GSTA4: variants seen among roughly 807,000 people sequenced by gnomAD.
The protein encoded by GSTA4 is glutathione S-transferase A4.
In GSTA4, 15 loss-of-function variants were observed where a neutral mutation model predicts 24.4. The ratio of observed to expected loss-of-function variants is 0.61; its 90% CI spans 0.41 to 0.95. The LOEUF (loss-of-function observed/expected upper bound fraction) is 0.95. Ranked by LOEUF, GSTA4 falls within the 40% of genes least tolerant of loss-of-function variation. The pLI is 0.00. For synonymous variants in GSTA4, 92 were observed against 94.2 expected, an observed-to-expected ratio of 0.98 and a Z score of 0.13; for missense variants, 244 against 262.1, an observed-to-expected ratio of 0.93 and a Z score of 0.48.
In GSTA4 at chr6:52,978,375, G is replaced by T. The variant is rs1292558151; in HGVS notation, c.*95C>A. 1.6e-6 allele frequency: 2 copies of T among 1,266,506 alleles called. No individual in the cohort carries two copies. Among genetic ancestry groups the T allele is most frequent in the Admixed American group, 2.2e-5 (1 of 45,692 alleles). The allele number at this position is 1,266,506 out of a possible 1,614,324, so 78.5% of individuals were successfully genotyped here. Reference sequence around the variant, plus strand: ...AACTTAGGACCCAACTTAATACATAGATAGCACCATGACAGAGCTGGGATC... The same window carrying T: ...AACTTAGGACCCAACTTAATACATATATAGCACCATGACAGAGCTGGGATC... On this transcript the variant is annotated 3_prime_UTR_variant, in exon 7 of 7. Coordinates refer to ENST00000370963, the MANE Select transcript of GSTA4 (RefSeq NM_001512.4).
At chr6:52,992,900 A>G (rs1763691103) in intron 2 of GSTA4, among the ~76,000 whole-genome samples, 2 of 152,190 alleles carry the variant, frequency 1.3e-5, no homozygotes, top group South Asian at 4.1e-4. Flanking sequence ...CTGGAGCTCA[A>G]GATCAGCCTG....
Position 52,978,455 on chromosome 6 carries a change from C to A in GSTA4, c.*15G>T, listed in dbSNP as rs767534850. The A allele has an allele frequency of 6.2e-7, 1 of 1,612,600 alleles. No individual in the cohort carries two copies. The highest frequency in any genetic ancestry group is 1.7e-5 in the Admixed American group (1 of 59,898). ...CTCTAGGAACACACTGTCACTCACA[C>A]ATGGATGTGTTGTTTTATGGCCTAA... is the stretch of plus-strand genomic sequence containing the variant. On this transcript the variant is annotated 3_prime_UTR_variant, in exon 7 of 7. Coordinates refer to ENST00000370963, the MANE Select transcript of GSTA4 (RefSeq NM_001512.4).
intron 6 of GSTA4, among the ~76,000 whole-genome samples, chr6:52,980,618 A>G (rs941608956): frequency 1.3e-5 from 2 of 152,100 alleles, no homozygotes; most frequent in East Asian, 1.9e-4. Context: ...TTTCACCTTT[A>G]ATAAGCTTAG....
Position 52,987,380 on chromosome 6 carries a change from T to C in GSTA4, c.116A>G (p.Glu39Gly). The C allele has an allele frequency of 6.3e-7, 1 of 1,589,320 alleles. No individual in the cohort carries two copies. ...ACCATCCTGCAACTTGTACAACTGTTCTTTTGTTTCCAGAAATTCTTCATC... is the reference window on the plus strand; with the variant it reads ...ACCATCCTGCAACTTGTACAACTGTCCTTTTGTTTCCAGAAATTCTTCATC... Reference protein sequence around the residue: ...EFDEEFLETKEQLYKLQDGNH... With the variant: ...EFDEEFLETKGQLYKLQDGNH... The change falls in exon 3 of 7, where the codon GAA becomes GGA. Residue 39 changes from glutamate to glycine, a missense_variant. Physicochemically the swap from Glu to Gly is moderately conservative, Grantham distance 98. Transcript: ENST00000370963.
chr6:52,978,494 G>A lies in GSTA4; in HGVS notation c.645C>T (p.Thr215=), dbSNP rs375845535. Residue 215 remains threonine, a synonymous_variant, in exon 7 of 7, where the codon ACC becomes ACT. Coordinates refer to ENST00000370963, the MANE Select transcript of GSTA4 (RefSeq NM_001512.4). ...TTTATGGCCTAAAGATGTTGTAGAC[G>A]GTTCTCACATAAATTTCATCAGGGG... ...KPPPDEIYVR[T]VYNIFRP is the part of the protein sequence containing the mutation. The A allele has an allele frequency of 3.7e-6, 6 of 1,613,262 alleles. No individual in the cohort carries two copies. Among genetic ancestry groups the A allele is most frequent in the Middle Eastern group, 1.6e-4 (1 of 6,084 alleles).
At position 52,982,560 on chromosome 6, in the gene GSTA4, A is replaced by G; in HGVS notation, c.546+14T>C. The G allele has an allele frequency of 1.2e-6, 2 of 1,600,532 alleles. No homozygotes were observed. The highest frequency in any genetic ancestry group is 1.7e-6 in the Non-Finnish European group (2 of 1,171,190). ...GAGTTCTAGGCCAATCTTCTAATAC[A>G]TAGTTTTATTTACCTGGAGGAAAGG... On this transcript the variant is annotated intron_variant, in intron 6 of 6. Coordinates refer to ENST00000370963, the MANE Select transcript of GSTA4 (RefSeq NM_001512.4).
At chr6:52,980,734 TAC>T (rs1274801797) in intron 6 of GSTA4, among the ~76,000 whole-genome samples, 2 of 152,132 alleles carry the variant, frequency 1.3e-5, no homozygotes, top group Non-Finnish European at 2.9e-5. Context: ...GTGGAAAGAG[TAC>T]AGACTTAGAT....
chr6:52,994,433 T>C (rs565715422), intron 1 of GSTA4, 172 bp from the exon 2 acceptor site: 10 of 552,942 alleles, frequency 1.8e-5, no homozygotes, highest in African/African-American at 1.5e-4. Flanking sequence ...TTTTAAAACA[T>C]GGAGAAAAAA....
chr6:52,979,783 A>AT (rs1478796658), intron 6 of GSTA4, among the ~76,000 whole-genome samples: 1 of 152,140 alleles, frequency 6.6e-6, no homozygotes, highest in Non-Finnish European at 1.5e-5. Flanking sequence ...AACCCTAATA[A>AT]TGATGCCAAT....
intron 2 of GSTA4, among the ~76,000 whole-genome samples, chr6:52,991,304 G>A (rs2127387798): frequency 6.6e-6 from 1 of 152,318 alleles, no homozygotes; most frequent in African/African-American, 2.4e-5. Context: ...CCCTAACAAT[G>A]ATGATGATCA....
rs892872569 is a variant in GSTA4, at chr6:52,987,297, A to G, written c.139+60T>C. On this transcript the variant is annotated intron_variant, in intron 3 of 6. Coordinates refer to ENST00000370963, the MANE Select transcript of GSTA4 (RefSeq NM_001512.4). ...ATTGAATACTTTTGCCCTTCCACAT[A>G]AACAGCAGCTCTTAAAGGAAAATCA... 1.3e-5 allele frequency: 14 copies of G among 1,061,178 alleles called. No individual in the cohort carries two copies. The African/African-American group carries it at 1.9e-4, about 14-fold the overall frequency. The allele number at this position is 1,061,178 out of a possible 1,614,324, so 65.7% of individuals were successfully genotyped here. A position where few individuals can be genotyped will look rare whatever the true frequency, so the allele number is the denominator to read the frequency against.
chr6:52,984,695 T>C (rs1763521105), intron 4 of GSTA4, 90 bp from the exon 5 acceptor site: 14 of 1,196,688 alleles, frequency 1.2e-5, no homozygotes, highest in Non-Finnish European at 1.7e-5. Flanking sequence ...TTTTTTTTTT[T>C]TTTTAAAGAT....
intron 3 of GSTA4, among the ~76,000 whole-genome samples, chr6:52,986,051 A>G (rs1416515754): frequency 1.3e-5 from 2 of 152,130 alleles, no homozygotes; most frequent in East Asian, 3.9e-4. Context: ...TACCTCGAAA[A>G]AAAAAAGAAG....
At chr6:52,980,129 A>G (rs769309313) in intron 6 of GSTA4, among the ~76,000 whole-genome samples, 8 of 152,196 alleles carry the variant, frequency 5.3e-5, no homozygotes, top group African/African-American at 1.7e-4. Flanking sequence ...AGTATCATCA[A>G]TGTAAAATAC....
At chr6:52,982,449 A>C in intron 6 of GSTA4, 125 bp downstream of exon 6, 1 of 607,496 alleles carries the variant, frequency 1.6e-6, no homozygotes, top group Non-Finnish European at 2.7e-6. Context: ...TCATTTGCCA[A>C]ACTAGAATCT....
chr6:52,981,745 G>A (rs1166464487), intron 6 of GSTA4, among the ~76,000 whole-genome samples: 3 of 152,196 alleles, frequency 2.0e-5, no homozygotes, highest in Non-Finnish European at 4.4e-5. Context: ...AGCATCCACT[G>A]CCTAAGCCAG....
chr6:52,983,784 A>T (rs1174091564), intron 5 of GSTA4, among the ~76,000 whole-genome samples: 1 of 152,194 alleles, frequency 6.6e-6, no homozygotes, highest in African/African-American at 2.4e-5. Context: ...TGTGGGAAAG[A>T]TACCATAAAA....
chr6:52,994,164 C>A lies in GSTA4; in HGVS notation c.80G>T (p.Gly27Val). ...AAACAGCATATAAGGTACCTCGACTCCGGCGGCAGCTAAAACCCATCTCAC... is the reference window on the plus strand; with the variant it reads ...AAACAGCATATAAGGTACCTCGACTACGGCGGCAGCTAAAACCCATCTCAC... ...ESVRWVLAAA[G>V]VEFDEEFLET... Residue 27 changes from glycine (G) to valine (V), a missense_variant, in exon 2 of 7, where the codon GGA becomes GTA. Physicochemically the swap from Gly to Val is moderately radical, Grantham distance 109. Coordinates refer to ENST00000370963, the MANE Select transcript of GSTA4 (RefSeq NM_001512.4). 1 of 1,607,214 alleles carries A rather than the reference C, an allele frequency of 6.2e-7. No homozygotes were observed. The highest frequency in any genetic ancestry group is 1.1e-5 in the South Asian group (1 of 90,958).
intron 3 of GSTA4, among the ~76,000 whole-genome samples, chr6:52,986,159 G>C (rs1237569985): frequency 1.3e-5 from 2 of 152,200 alleles, no homozygotes; most frequent in Non-Finnish European, 2.9e-5. Context: ...ATGTAGTGAA[G>C]ATATTTCTTC....
Sources: allele counts gnomAD v4.1 joint callset (sites outside exome capture counted in the v4.1 genomes callset), GRCh38; gene constraint gnomAD v4.1.1; transcripts MANE v1.5; gene names NCBI Gene and HGNC (gene_info 2026-07-23, HGNC 2026-07-21).